NLRP8: variants seen among roughly 807,000 people sequenced by gnomAD.
The protein encoded by NLRP8 is NACHT, LRR and PYD domains-containing protein 8.
A neutral mutation model predicts 88.7 loss-of-function variants in NLRP8; 86 were observed. The ratio of observed to expected loss-of-function variants is 0.97; its 90% confidence interval spans 0.81 to 1.16. NLRP8 has a LOEUF of 1.16. Among genes scored for constraint, NLRP8 ranks in the 50% most tolerant of loss-of-function variants. The pLI, the probability that NLRP8 is intolerant of heterozygous loss-of-function variation, is 0.00. For missense variants in NLRP8, 1,342 were observed against 1,286.5 expected (o/e 1.04, Z -0.66); for synonymous variants, 504 against 494.6 (o/e 1.02, Z -0.25).
At chr19:55,954,360 T>A (rs769561937) in intron 2 of NLRP8, 141 bp from the exon 3 acceptor site, 100 of 827,298 alleles carry the variant, frequency 1.2e-4, no homozygotes, top group Non-Finnish European at 1.7e-4. Flanking sequence ...GACACAGCAG[T>A]ATCAGGAAAG....
At chr19:55,948,641 T>C (rs1978961145) in intron 1 of NLRP8, among the ~76,000 whole-genome samples, 1 of 152,174 alleles carries the variant, frequency 6.6e-6, no homozygotes, top group Non-Finnish European at 1.5e-5. Flanking sequence ...TTTCACCATG[T>C]TGGCCAGGCT....
At chr19:55,978,348 A>G (rs1980433803) in intron 8 of NLRP8, among the ~76,000 whole-genome samples, 1 of 152,050 alleles carries the variant, frequency 6.6e-6, no homozygotes, top group Non-Finnish European at 1.5e-5. Context: ...AAATTCATGG[A>G]CCCTATCTGT....
rs149952231 is a variant in NLRP8 at position 55,950,947 on chromosome 19, G to A, written c.368-1591G>A. The stretch of plus-strand genomic sequence containing the variant: ...ACAGAAATTAGCCGGGCGTGGTGGC[G>A]CACGCCTGTAGTCCCAGCTACTTGG... On this transcript the variant is annotated intron_variant, in intron 1 of 9. Transcript: ENST00000291971. Among the ~76,000 whole-genome samples the A allele has an allele frequency of 8.9e-3, 1,358 of 152,236 alleles. 28 individuals carry two copies. The highest frequency in any genetic ancestry group is 0.031 in the African/African-American group (1,282 of 41,532).
rs1435710046 is a variant in NLRP8 at position 55,954,531 on chromosome 19, TG to T, written c.475del (p.Glu159LysfsTer65). On this transcript the variant is annotated frameshift_variant, in exon 3 of 10. Transcript: ENST00000291971. LOFTEE classifies it high-confidence loss of function. Reference sequence around the variant, plus strand: ...ATACGGCGGTATAAATCGAATGTGATGGAAAAGTTTTTCCCCATATGGGACA... The same window carrying T: ...ATACGGCGGTATAAATCGAATGTGATGAAAAGTTTTTCCCCATATGGGACA... 6.2e-7 allele frequency: 1 copy of T among 1,613,938 alleles called. No homozygotes were observed. The highest frequency in any genetic ancestry group is 2.2e-5 in the East Asian group (1 of 44,890).
Position 55,954,855 on chromosome 19 carries a change from G to A in NLRP8, c.797G>A (p.Gly266Glu). ...GAGCTGATTGAGCAAAAGTGGCCTG[G>A]ATCTCAGGACCTCGTGTCAAAGATT... The change falls in exon 3 of 10, where the codon GGA becomes GAA. Residue 266 changes from glycine to glutamate, a missense_variant. Physicochemically the swap from Gly to Glu is moderately conservative, Grantham distance 98 (BLOSUM62 -2). Coordinates refer to ENST00000291971, the MANE Select transcript of NLRP8 (RefSeq NM_176811.2). The A allele has an allele frequency of 6.2e-7, 1 of 1,614,180 alleles. No homozygotes were observed. Among genetic ancestry groups the A allele is most frequent in the Non-Finnish European group, 8.5e-7 (1 of 1,180,032 alleles).
In NLRP8 at chr19:55,955,595, T is replaced by A. The variant is rs766184706; in HGVS notation, c.1537T>A (p.Phe513Ile). 1.2e-6 allele frequency: 2 copies of A among 1,614,180 alleles called. No individual in the cohort carries two copies. The highest frequency in any genetic ancestry group is 3.3e-5 in the Admixed American group (2 of 60,018). Residue 513 changes from phenylalanine (F) to isoleucine (I), a missense_variant, in exon 3 of 10, where the codon TTT (phenylalanine) becomes ATT (isoleucine). Physicochemically the swap from Phe to Ile is conservative, Grantham distance 21. Coordinates refer to ENST00000291971, the MANE Select transcript of NLRP8 (RefSeq NM_176811.2). ...CTTTACCCTCGTGACTTTTCAGGAA[T>A]TTTTTGCGGCCTTGTTTTATGTTCT...
intron 3 of NLRP8, among the ~76,000 whole-genome samples, chr19:55,957,685 AT>A (rs1853717126): frequency 1.6e-4 from 1 of 6,226 alleles, no homozygotes; most frequent in Non-Finnish European, 5.3e-4. Context: ...ATATATATAT[AT>A]ATATATATAT....
At chr19:55,982,512 C>T (rs1349211497) in intron 9 of NLRP8, among the ~76,000 whole-genome samples, 1 of 152,162 alleles carries the variant, frequency 6.6e-6, no homozygotes, top group Non-Finnish European at 1.5e-5. Context: ...CACACTGGTG[C>T]TCAGGTATTG....
At chr19:55,968,610 CA>C (rs1979944607) in intron 5 of NLRP8, among the ~76,000 whole-genome samples, 1 of 151,790 alleles carries the variant, frequency 6.6e-6, no homozygotes, top group Non-Finnish European at 1.5e-5. Context: ...TGTGGTGGCT[CA>C]CACCTGTAAT....
At chr19:55,976,341 A>T in intron 8 of NLRP8, 38 bp downstream of exon 8, 1 of 1,521,810 alleles carries the variant, frequency 6.6e-7, no homozygotes, top group Non-Finnish European at 8.8e-7. Context: ...AGACCAGGAG[A>T]ATTGTATATA....
At position 55,988,021 on chromosome 19, in the gene NLRP8, A is replaced by G; in HGVS notation, c.*108A>G. The stretch of plus-strand genomic sequence containing the variant: ...ATGCATTAACGTACTTTCCCCTGAA[A>G]CAGAGCAACCCAGTCAACACCACAG... On this transcript the variant is annotated 3_prime_UTR_variant, in exon 10 of 10. Coordinates refer to ENST00000291971, the MANE Select transcript of NLRP8 (RefSeq NM_176811.2). The G allele has an allele frequency of 2.5e-6, 2 of 816,036 alleles. No individual in the cohort carries two copies. The highest frequency in any genetic ancestry group is 3.0e-5 in the South Asian group (2 of 66,956). 50.5% of individuals were successfully genotyped at this position (816,036 alleles called of 1,614,324 possible). A position where few individuals can be genotyped will look rare whatever the true frequency, so the allele number is the denominator to read the frequency against.
Position 55,947,911 on chromosome 19 carries a change from C to T in NLRP8, c.9C>T (p.Asp3=), listed in dbSNP as rs537494136. Residue 3 remains aspartate (D), a synonymous_variant, in exon 1 of 10, where the codon GAC becomes GAT. Transcript: ENST00000291971. ...CTCTGCCTTGACTAAAGATGAGTGACGTGAATCCACCCTCTGACACCCCCA... is the reference window on the plus strand; with the variant it reads ...CTCTGCCTTGACTAAAGATGAGTGATGTGAATCCACCCTCTGACACCCCCA... 2.1e-5 allele frequency: 34 copies of T among 1,609,562 alleles called. No individual in the cohort carries two copies. Among genetic ancestry groups the T allele is most frequent in the South Asian group, 1.4e-4 (13 of 90,194 alleles).
intron 3 of NLRP8, among the ~76,000 whole-genome samples, chr19:55,959,646 T>G (rs891627675): frequency 1.3e-5 from 2 of 152,220 alleles, no homozygotes; most frequent in Non-Finnish European, 2.9e-5. Context: ...GGCTGCTTAT[T>G]CTCACAGCCC....
chr19:55,956,443 C>T lies in NLRP8; in HGVS notation c.2042+343C>T, dbSNP rs145452912. On this transcript the variant is annotated intron_variant, in intron 3 of 9. Coordinates refer to ENST00000291971, the MANE Select transcript of NLRP8 (RefSeq NM_176811.2). ...ATTTTTAGTAGAGATGGGGTTTCAC[C>T]ATGTTGGCCAGGCTGGTCTCAAACT... 4.8e-3 allele frequency among the ~76,000 whole-genome samples: 738 copies of T among 152,180 alleles called. 6 individuals are homozygous for T. Among genetic ancestry groups the T allele is most frequent in the African/African-American group, 0.017 (697 of 41,518 alleles).
At chr19:55,968,655 G>T in intron 5 of NLRP8, among the ~76,000 whole-genome samples, 1 of 151,806 alleles carries the variant, frequency 6.6e-6, no homozygotes, top group African/African-American at 2.4e-5. Context: ...CAGGAGAATC[G>T]CTTGAATCCA....
chr19:55,956,968 T>C (rs1048985741), intron 3 of NLRP8, among the ~76,000 whole-genome samples: 1 of 152,112 alleles, frequency 6.6e-6, no homozygotes, highest in Admixed American at 6.5e-5. Context: ...AATTTTTTAT[T>C]TTTTTGGAGA....
In NLRP8 at chr19:55,956,026, T is replaced by C; in HGVS notation, c.1968T>C (p.His656=). ...GCCTGAAGCGGTGTCAATATTTGCATGAGGTGGAACTGACCGTCACCCTGA... is the reference window on the plus strand; with the variant it reads ...GCCTGAAGCGGTGTCAATATTTGCACGAGGTGGAACTGACCGTCACCCTGA... The change falls in exon 3 of 10, where the codon CAT becomes CAC. Residue 656 remains histidine, a synonymous_variant. Transcript: ENST00000291971. 6.2e-7 allele frequency: 1 copy of C among 1,614,040 alleles called. No individual in the cohort carries two copies. Among genetic ancestry groups the C allele is most frequent in the Non-Finnish European group, 8.5e-7 (1 of 1,179,904 alleles).
chr19:55,972,658 A>G (rs1336384489), intron 6 of NLRP8, among the ~76,000 whole-genome samples: 1 of 151,586 alleles, frequency 6.6e-6, no homozygotes, highest in Non-Finnish European at 1.5e-5. Flanking sequence ...TAGCTCCCAC[A>G]TATGAGTGAG....
chr19:55,966,708 C>T (rs779998046), intron 5 of NLRP8, among the ~76,000 whole-genome samples: 15 of 151,930 alleles, frequency 9.9e-5, no homozygotes, highest in African/African-American at 1.5e-4. Context: ...CTCAGCTACT[C>T]GGGAGGCTGA....
Sources: allele counts gnomAD v4.1 joint callset (sites outside exome capture counted in the v4.1 genomes callset), GRCh38; gene constraint gnomAD v4.1.1; transcripts MANE v1.5; gene names NCBI Gene and HGNC (gene_info 2026-07-23, HGNC 2026-07-21).